Variants in AGTPBP1 observed in about 807,000 individuals in gnomAD.
AGTPBP1 encodes ATP/GTP binding carboxypeptidase 1, also known as cytosolic carboxypeptidase 1.
A neutral mutation model predicts 143.9 loss-of-function variants in AGTPBP1; 70 were observed. The observed-to-expected ratio is 0.49, with a 90% CI of 0.40 to 0.59. The LOEUF is 0.59. AGTPBP1 is among the 20% of genes least tolerant of loss of function. AGTPBP1 has a pLI of 0.00. For missense variants in AGTPBP1, 1,229 were observed against 1,464.5 expected (o/e 0.84, Z 2.62); for synonymous variants, 463 against 500.2 (o/e 0.93, Z 0.99).
At chr9:85,570,975 T>C (rs1180079333) in intron 25 of AGTPBP1, among the ~76,000 whole-genome samples, 5 of 152,174 alleles carry the variant, frequency 3.3e-5, no homozygotes, top group Non-Finnish European at 7.3e-5. Flanking sequence ...GGAAGGGAAT[T>C]AGACATTTAA....
chr9:85,633,424 T>G, intron 13 of AGTPBP1, 50 bp from the exon 14 acceptor site: 2 of 1,370,342 alleles, frequency 1.5e-6, no homozygotes, highest in Non-Finnish European at 2.0e-6. Flanking sequence ...TATTAAAACA[T>G]ATTAACAAAA....
the AGTPBP1 span, among the ~76,000 whole-genome samples, chr9:85,780,503 C>T: frequency 6.7e-6 from 1 of 149,906 alleles, no homozygotes; most frequent in African/African-American, 2.5e-5. Context: ...TTTTATATAA[C>T]CACAGTTCCT....
intron 6 of AGTPBP1, among the ~76,000 whole-genome samples, chr9:85,675,801 G>A (rs1375867222): frequency 6.6e-6 from 1 of 152,092 alleles, no homozygotes; most frequent in Non-Finnish European, 1.5e-5. Context: ...CAAGGTGGGC[G>A]GATCATGAGG....
chr9:85,547,339 A>G (rs1587598077), intron 25 of AGTPBP1, 53 bp from the exon 26 acceptor site: 1 of 1,419,744 alleles, frequency 7.0e-7, no homozygotes, highest in Admixed American at 2.5e-5. Flanking sequence ...TTAAGGTCCT[A>G]ATATAAGATT....
At chr9:85,759,026 G>A in the AGTPBP1 span, among the ~76,000 whole-genome samples, 1 of 152,090 alleles carries the variant, frequency 6.6e-6, no homozygotes, top group Non-Finnish European at 1.5e-5. Context: ...GATAAAGAAG[G>A]CCATTACATA....
At chr9:85,655,876 G>A (rs1012541319) in intron 10 of AGTPBP1, among the ~76,000 whole-genome samples, 4 of 152,162 alleles carry the variant, frequency 2.6e-5, no homozygotes, top group Non-Finnish European at 4.4e-5. Flanking sequence ...CACCCAGGCT[G>A]GAGTGAAGTA....
At chr9:85,649,663 G>T (rs1833029292) in intron 11 of AGTPBP1, among the ~76,000 whole-genome samples, 1 of 152,106 alleles carries the variant, frequency 6.6e-6, no homozygotes, top group South Asian at 2.1e-4. Flanking sequence ...TATTTATGAT[G>T]TTGGCTATTG....
intron 2 of AGTPBP1, among the ~76,000 whole-genome samples, chr9:85,695,337 A>G (rs968735198): frequency 2.0e-5 from 3 of 152,150 alleles, no homozygotes; most frequent in Admixed American, 2.0e-4. Context: ...TGGTTCTTAA[A>G]TGTTTGTTAC....
chr9:85,631,254 T>A (rs1476784659), intron 14 of AGTPBP1, among the ~76,000 whole-genome samples: 1 of 152,236 alleles, frequency 6.6e-6, no homozygotes, highest in Non-Finnish European at 1.5e-5. Flanking sequence ...CCTGGGTGGA[T>A]ACTGGATGCT....
At chr9:85,722,320 A>T (rs1838180634) in intron 1 of AGTPBP1, among the ~76,000 whole-genome samples, 1 of 152,148 alleles carries the variant, frequency 6.6e-6, no homozygotes, top group African/African-American at 2.4e-5. Flanking sequence ...TCAAACGTAG[A>T]TTTGGTCTTT....
chr9:85,708,586 G>A (rs769007517), intron 2 of AGTPBP1, among the ~76,000 whole-genome samples: 5 of 152,284 alleles, frequency 3.3e-5, no homozygotes, highest in Admixed American at 6.5e-5. Flanking sequence ...CACCGAGGCC[G>A]GAGTGCAATG....
At chr9:85,550,789 C>G (rs1825993645) in intron 25 of AGTPBP1, among the ~76,000 whole-genome samples, 1 of 152,202 alleles carries the variant, frequency 6.6e-6, no homozygotes, top group South Asian at 2.1e-4. Context: ...AAGTTCGCTA[C>G]AAGCAAGTCC....
At chr9:85,573,067 ACTCCCT>A (rs759082752) in intron 25 of AGTPBP1, among the ~76,000 whole-genome samples, 165 of 151,306 alleles carry the variant, frequency 1.1e-3, no homozygotes, top group Non-Finnish European at 1.5e-3. Flanking sequence ...TATGACATGA[ACTCCCT>A]CTCCCTCTCC....
chr9:85,765,900 A>G, the AGTPBP1 span, among the ~76,000 whole-genome samples: 429 of 152,278 alleles, frequency 2.8e-3, 2 homozygotes, highest in African/African-American at 9.7e-3. Context: ...ATTGGGGGCT[A>G]AATGGCGGTT....
At chr9:85,556,463 C>T (rs903974555) in intron 25 of AGTPBP1, among the ~76,000 whole-genome samples, 7 of 152,108 alleles carry the variant, frequency 4.6e-5, no homozygotes, top group Non-Finnish European at 1.0e-4. Context: ...AAAACAAATA[C>T]AGTAACTTAC....
intron 11 of AGTPBP1, among the ~76,000 whole-genome samples, chr9:85,653,583 C>T (rs1157512388): frequency 2.0e-5 from 3 of 152,158 alleles, no homozygotes; most frequent in Non-Finnish European, 2.9e-5. Flanking sequence ...ACCAGCTTTC[C>T]ACCAGTGAGA....
chr9:85,692,977 T>G (rs1374302705), intron 2 of AGTPBP1, among the ~76,000 whole-genome samples, 164 bp from the exon 3 acceptor site: 1 of 152,222 alleles, frequency 6.6e-6, no homozygotes, highest in Non-Finnish European at 1.5e-5. Context: ...CTTAATATTG[T>G]TCTATAGCTT....
chr9:85,654,265 G>A (rs955098003), intron 11 of AGTPBP1, among the ~76,000 whole-genome samples: 4 of 151,994 alleles, frequency 2.6e-5, no homozygotes, highest in Non-Finnish European at 4.4e-5. Flanking sequence ...TTTGGTAGAT[G>A]TTGTCAAAGA....
the AGTPBP1 span, among the ~76,000 whole-genome samples, chr9:85,784,802 G>A: frequency 6.6e-6 from 1 of 152,222 alleles, no homozygotes; most frequent in South Asian, 2.1e-4. Flanking sequence ...CGTGGGGACT[G>A]CAGCAGTCAT....
Sources: gnomAD v4.1 joint callset for allele counts (sites outside exome capture counted in the v4.1 genomes callset) on GRCh38, gnomAD v4.1.1 for gene constraint, MANE v1.5 for transcripts, NCBI Gene and HGNC (gene_info 2026-07-23, HGNC 2026-07-21) for gene names.